The following NDUFS4 variants were observed in gnomAD, a reference collection of about 807,000 sequenced individuals.
NDUFS4 encodes NADH dehydrogenase [ubiquinone] iron-sulfur protein 4, mitochondrial.
NDUFS4 carries 28 observed loss-of-function variants against 24.3 expected under a neutral mutation model. The ratio of observed to expected loss-of-function variants is 1.15; its 90% CI spans 0.85 to 1.58. The LOEUF (loss-of-function observed/expected upper bound fraction) is 1.58. Ranked by LOEUF, NDUFS4 falls within the 40% of genes most tolerant of loss-of-function variation. The pLI is 0.00. For missense variants in NDUFS4, 223 were observed against 207.9 expected (o/e 1.07, Z -0.45); for synonymous variants, 93 against 69.7 (o/e 1.34, Z -1.67).
chr5:53,674,560 A>C (rs955679874), intron 4 of NDUFS4, among the ~76,000 whole-genome samples: 3 of 152,292 alleles, frequency 2.0e-5, no homozygotes, highest in African/African-American at 7.2e-5. Flanking sequence ...ACAACCGGTT[A>C]CAGATATCAT....
intron 1 of NDUFS4, chr5:53,573,482 G>A: frequency 2.6e-6 from 1 of 382,136 alleles, no homozygotes; most frequent in Non-Finnish European, 5.1e-6. Context: ...AATCAGTGTT[G>A]TAGTTTTGAG....
At chr5:53,576,032 C>T (rs1310745720) in intron 1 of NDUFS4, among the ~76,000 whole-genome samples, 1 of 152,170 alleles carries the variant, frequency 6.6e-6, no homozygotes, top group African/African-American at 2.4e-5. Context: ...TACATTGAAT[C>T]ACTGGTTTAG....
chr5:53,629,598 T>C (rs1339274125), intron 2 of NDUFS4, among the ~76,000 whole-genome samples: 2 of 152,248 alleles, frequency 1.3e-5, no homozygotes, highest in Admixed American at 1.3e-4. Context: ...GATAGTTAGC[T>C]CTTCTTGTTG....
chr5:53,662,766 T>G (rs185199638), intron 4 of NDUFS4, among the ~76,000 whole-genome samples: 1 of 143,384 alleles, frequency 7.0e-6, no homozygotes, highest in African/African-American at 2.7e-5. Flanking sequence ...CTTCTAGATT[T>G]TCTAATTTAT....
intron 2 of NDUFS4, among the ~76,000 whole-genome samples, chr5:53,617,439 T>C (rs375041649): frequency 6.6e-6 from 1 of 152,252 alleles, no homozygotes; most frequent in East Asian, 1.9e-4. Context: ...TTCCATTTTT[T>C]TCATTTTTCC....
At chr5:53,669,047 T>C (rs1472645733) in intron 4 of NDUFS4, among the ~76,000 whole-genome samples, 1 of 152,212 alleles carries the variant, frequency 6.6e-6, no homozygotes. Flanking sequence ...AGTCTATGAC[T>C]GCTTTTTGGC....
At chr5:53,594,681 C>T (rs544548885) in intron 1 of NDUFS4, among the ~76,000 whole-genome samples, 1 of 152,026 alleles carries the variant, frequency 6.6e-6, no homozygotes, top group South Asian at 2.1e-4. Context: ...CTTATTATCT[C>T]TGATTTTTCC....
chr5:53,581,742 G>T (rs1266336220), intron 1 of NDUFS4, among the ~76,000 whole-genome samples: 2 of 152,070 alleles, frequency 1.3e-5, no homozygotes, highest in African/African-American at 2.4e-5. Flanking sequence ...TATCTGTGAA[G>T]TCTTAGAGCT....
rs1173714816 is a variant in NDUFS4 at position 53,672,387 on chromosome 5, TAAAA to T, written c.425-10727_425-10724del. Among the ~76,000 whole-genome samples, 3 of 152,020 alleles carry T rather than the reference TAAAA, an allele frequency of 2.0e-5. No homozygotes were observed. In the East Asian group the frequency reaches 5.8e-4, roughly 29 times the overall value. On this transcript the variant is annotated intron_variant, in intron 4 of 4. Coordinates refer to ENST00000296684, the MANE Select transcript of NDUFS4 (RefSeq NM_002495.4). Reference sequence around the variant, plus strand: ...CAAAACAGCACTAATTCATGTGAAATAAAAAAACGTAGTGAATTGCAAATAGAGG... The same window carrying T: ...CAAAACAGCACTAATTCATGTGAAATAAACGTAGTGAATTGCAAATAGAGG...
chr5:53,616,448 A>C lies in NDUFS4; in HGVS notation c.177+12918A>C, dbSNP rs139648238. 1.5e-3 allele frequency among the ~76,000 whole-genome samples: 228 copies of C among 152,274 alleles called. 1 individual carries two copies. Among genetic ancestry groups the C allele is most frequent in the African/African-American group, 5.0e-3 (207 of 41,574 alleles). On this transcript the variant is annotated intron_variant, in intron 2 of 4. Transcript: ENST00000296684. The stretch of plus-strand genomic sequence containing the variant: ...AGGGGTCATTTAAGTAGGGCAGTCA[A>C]CGAAACCCACTTTGAGATGTTGTGC...
rs367913538 is a variant in NDUFS4 at position 53,622,952 on chromosome 5, T to A, written c.177+19422T>A. Among the ~76,000 whole-genome samples, 21 of 152,332 alleles carry A rather than the reference T, an allele frequency of 1.4e-4. 1 individual carries two copies. Among genetic ancestry groups the A allele is most frequent in the Admixed American group, 4.6e-4 (7 of 15,308 alleles). ...CTGTGTTATAGCATGTGTCAGAATT[T>A]CATTCCTTTTAAAGGCTCTACATAA... On this transcript the variant is annotated intron_variant, in intron 2 of 4. Coordinates refer to ENST00000296684, the MANE Select transcript of NDUFS4 (RefSeq NM_002495.4).
chr5:53,671,329 T>C (rs1034023261), intron 4 of NDUFS4, among the ~76,000 whole-genome samples: 24 of 152,136 alleles, frequency 1.6e-4, no homozygotes, highest in Non-Finnish European at 2.4e-4. Context: ...TCACTTCTTA[T>C]GGAAGGCTGG....
chr5:53,600,153 C>T (rs1311935827), intron 1 of NDUFS4, among the ~76,000 whole-genome samples: 1 of 151,968 alleles, frequency 6.6e-6, no homozygotes, highest in African/African-American at 2.4e-5. Flanking sequence ...GCATGCACCA[C>T]CACGCCCAGC....
intron 2 of NDUFS4, among the ~76,000 whole-genome samples, chr5:53,613,257 A>G (rs151163913): frequency 7.7e-4 from 117 of 152,192 alleles, no homozygotes; most frequent in African/African-American, 2.6e-3. Context: ...GACTTTACTC[A>G]CGCAGCATTC....
intron 1 of NDUFS4, among the ~76,000 whole-genome samples, chr5:53,589,498 G>A (rs1749874583): frequency 6.6e-6 from 1 of 152,206 alleles, no homozygotes; most frequent in African/African-American, 2.4e-5. Flanking sequence ...GCTGGATAAT[G>A]TCATTTCCCC....
chr5:53,630,309 A>C (rs1343206736), intron 2 of NDUFS4, among the ~76,000 whole-genome samples: 1 of 151,846 alleles, frequency 6.6e-6, no homozygotes, highest in Non-Finnish European at 1.5e-5. Flanking sequence ...GGCTGCCCTT[A>C]ACATTTTTTC....
At chr5:53,633,108 A>T (rs149992144) in intron 2 of NDUFS4, among the ~76,000 whole-genome samples, 104 of 152,304 alleles carry the variant, frequency 6.8e-4, no homozygotes, top group Middle Eastern at 3.4e-3. Context: ...TCTGCCAGTT[A>T]TACTTGACAT....
intron 2 of NDUFS4, among the ~76,000 whole-genome samples, chr5:53,636,646 C>T (rs1561378210): frequency 6.6e-6 from 1 of 152,108 alleles, no homozygotes; most frequent in Admixed American, 6.6e-5. Context: ...TGGTTCGGAT[C>T]TGTGTTCTTA....
At chr5:53,646,466 C>G in intron 3 of NDUFS4, 61 bp downstream of exon 3, 2 of 1,553,780 alleles carry the variant, frequency 1.3e-6, no homozygotes, top group Admixed American at 3.3e-5. Flanking sequence ...GATCTTTCTT[C>G]TAAATATGAT....
Sources: gnomAD v4.1 joint callset for allele counts (sites outside exome capture counted in the v4.1 genomes callset) on GRCh38, gnomAD v4.1.1 for gene constraint, MANE v1.5 for transcripts, NCBI Gene and HGNC (gene_info 2026-07-23, HGNC 2026-07-21) for gene names.